The following EHD4 variants were observed in gnomAD, a reference collection of about 807,000 sequenced individuals.
The protein encoded by EHD4 is EH domain containing 4.
In EHD4, 37 loss-of-function variants were observed where a neutral mutation model predicts 51.0. The observed-to-expected ratio is 0.73, with a 90% CI of 0.56 to 0.95. EHD4 has a LOEUF of 0.95. EHD4 is among the 40% of genes least tolerant of loss of function. EHD4 has a pLI of 0.00. For synonymous variants in EHD4, 297 were observed against 317.3 expected (o/e 0.94, Z 0.68); for missense variants, 632 against 733.1 (o/e 0.86, Z 1.59).
At chr15:41,962,467 CT>C (rs748876265) in intron 1 of EHD4, among the ~76,000 whole-genome samples, 84 of 150,618 alleles carry the variant, frequency 5.6e-4, no homozygotes, top group Non-Finnish European at 3.8e-4. Context: ...TATTTAATAA[CT>C]TAGCGTATGA....
intron 2 of EHD4, among the ~76,000 whole-genome samples, chr15:41,947,359 G>A (rs1021001057): frequency 1.4e-4 from 21 of 152,128 alleles, no homozygotes; most frequent in Non-Finnish European, 2.9e-5. Flanking sequence ...GGCTCCAGAC[G>A]TCTCCCTTAC....
chr15:41,968,098 ATTCTTG>A (rs2067972426), intron 1 of EHD4, among the ~76,000 whole-genome samples: 1 of 152,042 alleles, frequency 6.6e-6, no homozygotes, highest in Non-Finnish European at 1.5e-5. Flanking sequence ...TCACTTCCTG[ATTCTTG>A]TTCTTGTTCT....
rs767326565 is a variant in EHD4 at position 41,972,265 on chromosome 15, A to C, written c.230T>G (p.Phe77Cys). ...VGQYSTGKTTFIRYLLEQDFP... is the reference protein window; with the variant it reads ...VGQYSTGKTTCIRYLLEQDFP... ...CGAGGGGCGGTGACGGTACCTGATG[A>C]AGGTGGTCTTGCCGGTGCTGTACTG... The change falls in exon 1 of 6, where the codon TTC (phenylalanine) becomes TGC (cysteine). Residue 77 changes from phenylalanine (F) to cysteine (C), a missense_variant. Phe to Cys is a radical substitution (Grantham distance 205). Transcript: ENST00000220325. 5 of 1,566,700 alleles carry C rather than the reference A, an allele frequency of 3.2e-6. No homozygotes were observed. In the South Asian group the frequency reaches 5.8e-5, roughly 18 times the overall value.
intron 3 of EHD4, among the ~76,000 whole-genome samples, chr15:41,925,836 C>G (rs2067657060): frequency 6.6e-6 from 1 of 152,136 alleles, no homozygotes; most frequent in Non-Finnish European, 1.5e-5. Flanking sequence ...CAATCAAGGG[C>G]TTCCCGTCAC....
At chr15:41,925,054 T>C (rs1162722222) in intron 3 of EHD4, among the ~76,000 whole-genome samples, 2 of 87,702 alleles carry the variant, frequency 2.3e-5, no homozygotes, top group South Asian at 4.8e-4. Context: ...CGAGGGACTG[T>C]ATCTCAAAAA....
At chr15:41,938,159 T>C (rs1282902923) in intron 3 of EHD4, among the ~76,000 whole-genome samples, 1 of 152,192 alleles carries the variant, frequency 6.6e-6, no homozygotes, top group Non-Finnish European at 1.5e-5. Context: ...TTTTGGATTT[T>C]GGAGGATTTT....
chr15:41,956,640 T>C lies in EHD4; in HGVS notation c.237-2700A>G, dbSNP rs1331032572. ...GTAGCGACCCTACTGGACAGACCTT[T>C]AACAATAAATCATTTTTAAAGTGTG... is the stretch of plus-strand genomic sequence containing the variant. On this transcript the variant is annotated intron_variant, in intron 1 of 5. Transcript: ENST00000220325. Among the ~76,000 whole-genome samples, 3 of 152,230 alleles carry C rather than the reference T, an allele frequency of 2.0e-5. No individual in the cohort carries two copies. The East Asian group carries it at 5.8e-4, about 29-fold the overall frequency.
At chr15:41,902,847 A>ATC (rs905964094) in intron 5 of EHD4, among the ~76,000 whole-genome samples, 1 of 148,844 alleles carries the variant, frequency 6.7e-6, no homozygotes, top group Non-Finnish European at 1.5e-5. Context: ...ATGTATATAT[A>ATC]TATGTTAGGG....
At chr15:41,942,828 CTCCTCATCT>C in intron 3 of EHD4, 2 of 418,692 alleles carry the variant, frequency 4.8e-6, no homozygotes, top group Admixed American at 3.6e-5. Flanking sequence ...GTTTACCCCA[CTCCTCATCT>C]TCATTTACTC....
intron 1 of EHD4, among the ~76,000 whole-genome samples, chr15:41,967,250 G>A (rs534677226): frequency 1.3e-5 from 2 of 152,208 alleles, no homozygotes; most frequent in South Asian, 4.2e-4. Flanking sequence ...TCAGCTTTTA[G>A]GCTGCATTCT....
In EHD4 at chr15:41,966,992, T is replaced by C. The variant is rs374527025; in HGVS notation, c.236+5267A>G. 3.9e-5 allele frequency among the ~76,000 whole-genome samples: 6 copies of C among 152,322 alleles called. No homozygotes were observed. The East Asian group carries it at 5.8e-4, about 15-fold the overall frequency. On this transcript the variant is annotated intron_variant, in intron 1 of 5. Coordinates refer to ENST00000220325, the MANE Select transcript of EHD4 (RefSeq NM_139265.4). The stretch of plus-strand genomic sequence containing the variant: ...TCCCAAGTCAACAGACCAGCCCAGA[T>C]ATCTCCCTGAGCTCCAGACCCATGT...
intron 1 of EHD4, among the ~76,000 whole-genome samples, chr15:41,965,430 G>A (rs1029516742): frequency 3.3e-5 from 5 of 152,226 alleles, no homozygotes; most frequent in Admixed American, 6.5e-5. Flanking sequence ...ACGGATGGAA[G>A]GTTCAGCAAA....
chr15:41,904,202 C>G (rs973659727), intron 5 of EHD4, among the ~76,000 whole-genome samples: 1 of 152,204 alleles, frequency 6.6e-6, no homozygotes, highest in African/African-American at 2.4e-5. Flanking sequence ...CCTGCCCAAA[C>G]TTCCCACCAG....
Position 41,896,923 on chromosome 15 carries a change from T to TAACTCTTCTCCCC in EHD4, c.*3709_*3721dup, listed in dbSNP as rs1173270407. 6.6e-6 allele frequency: 1 copy of TAACTCTTCTCCCC among 152,192 alleles called. No homozygotes were observed. 9.4% of individuals were successfully genotyped at this position (152,192 alleles called of 1,614,324 possible). A position where few individuals can be genotyped will look rare whatever the true frequency, so the allele number is the denominator to read the frequency against. ...GGGGCTCACAGGCACACCCTCTCCC[T>TAACTCTTCTCCCC]AACTCTTCTCCCCCGGTTCAACCTG... On this transcript the variant is annotated 3_prime_UTR_variant, in exon 6 of 6. Coordinates refer to ENST00000220325, the MANE Select transcript of EHD4 (RefSeq NM_139265.4).
chr15:41,921,262 G>A (rs947030709), intron 3 of EHD4, among the ~76,000 whole-genome samples: 9 of 152,112 alleles, frequency 5.9e-5, no homozygotes, highest in East Asian at 3.9e-4. Context: ...GTCTCACTGC[G>A]GCACTCCCTG....
rs552195330 is a variant in EHD4, at chr15:41,897,340, G to A, written c.*3305C>T. ...TGCGAGGTGGAAAGGTCCAGGCCGC[G>A]GCTGTGACTCCCGCGGGTGAACCAC... On this transcript the variant is annotated 3_prime_UTR_variant, in exon 6 of 6. Transcript: ENST00000220325. 5 of 152,226 alleles carry A rather than the reference G, an allele frequency of 3.3e-5. No homozygotes were observed. Among genetic ancestry groups the A allele is most frequent in the African/African-American group, 1.2e-4 (5 of 41,452 alleles). The allele number at this position is 152,226 out of a possible 1,614,324, so 9.4% of individuals were successfully genotyped here. A position where few individuals can be genotyped will look rare whatever the true frequency, so the allele number is the denominator to read the frequency against.
chr15:41,916,709 A>G (rs1566817925), intron 4 of EHD4, among the ~76,000 whole-genome samples: 1 of 152,230 alleles, frequency 6.6e-6, no homozygotes, highest in Non-Finnish European at 1.5e-5. Flanking sequence ...CGCCGTGCTG[A>G]GTCCGGCTTC....
chr15:41,933,874 C>A (rs1197740272), intron 3 of EHD4, among the ~76,000 whole-genome samples: 5 of 152,140 alleles, frequency 3.3e-5, no homozygotes, highest in Non-Finnish European at 7.4e-5. Flanking sequence ...GAGACACAGA[C>A]AGAGGACCCA....
chr15:41,926,920 T>A (rs915369579), intron 3 of EHD4, among the ~76,000 whole-genome samples: 6 of 152,118 alleles, frequency 3.9e-5, no homozygotes, highest in Non-Finnish European at 1.5e-5. Flanking sequence ...CAGGTGGCCT[T>A]CCCCCACCCA....
Sources: gnomAD v4.1 joint callset for allele counts (sites outside exome capture counted in the v4.1 genomes callset) on GRCh38, gnomAD v4.1.1 for gene constraint, MANE v1.5 for transcripts, NCBI Gene and HGNC (gene_info 2026-07-23, HGNC 2026-07-21) for gene names.